RDH10: variants seen among roughly 807,000 people sequenced by gnomAD.
The protein encoded by RDH10 is retinol dehydrogenase 10 (all-trans).
Under a neutral mutation model 30.2 loss-of-function variants are expected in RDH10, and 12 were observed. That is an observed-to-expected ratio of 0.40 (90% CI 0.25 to 0.64). The LOEUF is 0.64. RDH10 is among the 30% of genes least tolerant of loss of function. The probability of loss-of-function intolerance (pLI) is 0.43; values close to 1 mark genes in which losing one functional copy is unlikely to be tolerated. For synonymous variants in RDH10, 189 were observed against 172.2 expected, an observed-to-expected ratio of 1.10 and a Z score of -0.76; for missense variants, 268 against 445.2, an observed-to-expected ratio of 0.60 and a Z score of 3.58.
In RDH10 at chr8:73,303,014, G is replaced by A. The variant is rs75149683; in HGVS notation, c.525+5585G>A. 6.6e-5 allele frequency among the ~76,000 whole-genome samples: 10 copies of A among 152,058 alleles called. No homozygotes were observed. In the East Asian group the frequency reaches 1.9e-3, roughly 29 times the overall value. ...GACTAAATCTGTCAAATAGCTAGTA[G>A]GTAATTTACTTCTATTGATATGGTA... On this transcript the variant is annotated intron_variant, in intron 2 of 5. Coordinates refer to ENST00000240285, the MANE Select transcript of RDH10 (RefSeq NM_172037.5).
At chr8:73,313,170 G>A (rs1212964375) in intron 2 of RDH10, 1 of 152,152 alleles carries the variant, frequency 6.6e-6, no homozygotes, top group Admixed American at 6.5e-5. Flanking sequence ...GCAGGCTTTG[G>A]GCTGCACAGT....
At chr8:73,301,433 C>T (rs1244959044) in intron 2 of RDH10, among the ~76,000 whole-genome samples, 2 of 151,944 alleles carry the variant, frequency 1.3e-5, no homozygotes, top group Admixed American at 6.5e-5. Context: ...AGAGAATACT[C>T]ACATGGGTCT....
chr8:73,298,207 C>T lies in RDH10; in HGVS notation c.525+778C>T, dbSNP rs1007365610. Among the ~76,000 whole-genome samples, 20 of 152,166 alleles carry T rather than the reference C, an allele frequency of 1.3e-4. 1 individual carries two copies. Among genetic ancestry groups the T allele is most frequent in the Non-Finnish European group, 2.9e-5 (2 of 68,028 alleles). On this transcript the variant is annotated intron_variant, in intron 2 of 5. Transcript: ENST00000240285. The stretch of plus-strand genomic sequence containing the variant: ...GTCCCCTATAACTGCACACTGCTGA[C>T]CCACTTTATGCTCTTTTTCCTCACA...
Position 73,295,541 on chromosome 8 carries a change from C to T in RDH10, c.252C>T (p.Tyr84=), listed in dbSNP as rs1324392061. ...CGGCTGGCATGGTGCGCCACATCTA[C>T]CGCGACCTGGAGGCGGCCGACGCCG... ...EETAGMVRHI[Y]RDLEAADAAA... is the part of the protein sequence containing the mutation. The change falls in exon 1 of 6, where the codon TAC becomes TAT. Residue 84 remains tyrosine, a synonymous_variant. Coordinates refer to ENST00000240285, the MANE Select transcript of RDH10 (RefSeq NM_172037.5). 2 of 1,548,484 alleles carry T rather than the reference C, an allele frequency of 1.3e-6. No homozygotes were observed. The highest frequency in any genetic ancestry group is 1.7e-4 in the Middle Eastern group (1 of 5,894).
intron 2 of RDH10, among the ~76,000 whole-genome samples, chr8:73,313,559 T>A (rs1164400398): frequency 6.6e-6 from 1 of 152,206 alleles, no homozygotes; most frequent in Non-Finnish European, 1.5e-5. Flanking sequence ...GTCAAAGTTC[T>A]AGCTCTACAT....
Position 73,295,359 on chromosome 8 carries a change from C to G in RDH10, c.70C>G (p.Arg24Gly), listed in dbSNP as rs1021188367. 1.3e-5 allele frequency: 21 copies of G among 1,560,126 alleles called. No individual in the cohort carries two copies. The highest frequency in any genetic ancestry group is 1.6e-5 in the Non-Finnish European group (19 of 1,153,864). ...CTGGGCGTTCGTGCTGGCCGCGGCG[C>G]GCTGGCTGGTGCGGCCCAAGGAGAA... is the stretch of plus-strand genomic sequence containing the variant. ...VLWAFVLAAA[R>G]WLVRPKEKSV... The change falls in exon 1 of 6, where the codon CGC becomes GGC. Residue 24 changes from arginine (R) to glycine (G), a missense_variant. This residue lies in a region of RDH10 where 44 missense variants were observed against 42.1 expected (regional missense o/e 1.04). Coordinates refer to ENST00000240285, the MANE Select transcript of RDH10 (RefSeq NM_172037.5).
At position 73,323,062 on chromosome 8, in the gene RDH10, T is replaced by G. The variant is rs776723964; in HGVS notation, c.*26T>G. ...GAATCTTTTTGTATGGAATATTACT[T>G]CTATCAGAAGATGATCAAGATGTTT... On this transcript the variant is annotated 3_prime_UTR_variant, in exon 6 of 6. Transcript: ENST00000240285. 6.3e-7 allele frequency: 1 copy of G among 1,580,146 alleles called. No individual in the cohort carries two copies.
At chr8:73,308,290 G>A (rs1012136861) in intron 2 of RDH10, among the ~76,000 whole-genome samples, 2 of 152,152 alleles carry the variant, frequency 1.3e-5, no homozygotes, top group Non-Finnish European at 2.9e-5. Flanking sequence ...TATGGGATCA[G>A]AATTCCAGAT....
chr8:73,299,510 G>A (rs564160486), intron 2 of RDH10, among the ~76,000 whole-genome samples: 2 of 152,316 alleles, frequency 1.3e-5, no homozygotes, highest in South Asian at 2.1e-4. Flanking sequence ...TGAAGCTGCC[G>A]TAAAAACTGC....
In RDH10 at chr8:73,294,904, T is replaced by G; in HGVS notation, c.-386T>G. ...GGTGAGAGGGAGCCGGCGCGCCGGT[T>G]CCGGGGACGCTCGGGCGGCAGCAGC... On this transcript the variant is annotated 5_prime_UTR_variant, in exon 1 of 6. Coordinates refer to ENST00000240285, the MANE Select transcript of RDH10 (RefSeq NM_172037.5). The G allele has an allele frequency of 2.5e-6, 1 of 393,000 alleles. No individual in the cohort carries two copies. The highest frequency in any genetic ancestry group is 4.5e-6 in the Non-Finnish European group (1 of 222,352). 24.3% of individuals were successfully genotyped at this position (393,000 alleles called of 1,614,324 possible). A position where few individuals can be genotyped will look rare whatever the true frequency, so the allele number is the denominator to read the frequency against.
Position 73,295,388 on chromosome 8 carries a change from C to T in RDH10, c.99C>T (p.Ser33=), listed in dbSNP as rs763345855. The change falls in exon 1 of 6, where the codon AGC becomes AGT. Residue 33 remains serine, a synonymous_variant. Coordinates refer to ENST00000240285, the MANE Select transcript of RDH10 (RefSeq NM_172037.5). ...GGCTGGTGCGGCCCAAGGAGAAGAG[C>T]GTGGCGGGCCAGGTGTGCCTCATCA... ...ARWLVRPKEK[S]VAGQVCLITG... 5 of 1,553,872 alleles carry T rather than the reference C, an allele frequency of 3.2e-6. No homozygotes were observed. Among genetic ancestry groups the T allele is most frequent in the Non-Finnish European group, 4.3e-6 (5 of 1,150,848 alleles).
At chr8:73,301,039 ATTCTTTTTTT>A (rs1459633574) in intron 2 of RDH10, among the ~76,000 whole-genome samples, 3 of 98,798 alleles carry the variant, frequency 3.0e-5, no homozygotes, top group African/African-American at 1.2e-4. Context: ...ACAAAACTCT[ATTCTTTTTTT>A]TTTTTTTTTT....
intron 2 of RDH10, among the ~76,000 whole-genome samples, chr8:73,299,039 C>T (rs1814330559): frequency 6.6e-6 from 1 of 152,042 alleles, no homozygotes; most frequent in Non-Finnish European, 1.5e-5. Flanking sequence ...GTCTCGAACT[C>T]CTGACCTCAG....
intron 2 of RDH10, among the ~76,000 whole-genome samples, chr8:73,317,138 T>C (rs1814684519): frequency 6.6e-6 from 1 of 152,044 alleles, no homozygotes; most frequent in South Asian, 2.1e-4. Context: ...TATAAGACAA[T>C]CAAAATCAAA....
At chr8:73,303,348 A>T (rs1023153585) in intron 2 of RDH10, among the ~76,000 whole-genome samples, 1 of 152,222 alleles carries the variant, frequency 6.6e-6, no homozygotes, top group Admixed American at 6.5e-5. Context: ...TGGTTACAGA[A>T]ACTAGTTTTG....
At chr8:73,315,523 A>G in intron 2 of RDH10, 3 of 446,682 alleles carry the variant, frequency 6.7e-6, no homozygotes, top group Non-Finnish European at 9.0e-6. Flanking sequence ...AACAAATTAC[A>G]CTTAAAGAAC....
At chr8:73,305,487 A>G (rs983175247) in intron 2 of RDH10, among the ~76,000 whole-genome samples, 13 of 152,196 alleles carry the variant, frequency 8.5e-5, no homozygotes, top group African/African-American at 3.1e-4. Flanking sequence ...GCCTCTTTCA[A>G]TTATGGTAAG....
intron 2 of RDH10, among the ~76,000 whole-genome samples, chr8:73,310,030 C>A (rs762808154): frequency 6.6e-6 from 1 of 152,178 alleles, no homozygotes; most frequent in African/African-American, 2.4e-5. Flanking sequence ...CTCCTGATGC[C>A]TGATTCTCCC....
At chr8:73,318,760 C>T (rs746008631) in intron 2 of RDH10, among the ~76,000 whole-genome samples, 2 of 152,200 alleles carry the variant, frequency 1.3e-5, no homozygotes, top group Non-Finnish European at 2.9e-5. Context: ...AAACAAATAC[C>T]TGGCTTGGGA....
Sources: allele counts gnomAD v4.1 joint callset (sites outside exome capture counted in the v4.1 genomes callset), GRCh38; gene constraint gnomAD v4.1.1; regional missense constraint gnomAD v4.1.1; transcripts MANE v1.5; gene names NCBI Gene and HGNC (gene_info 2026-07-23, HGNC 2026-07-21).